DZANK1: variants seen among roughly 807,000 people sequenced by gnomAD.
The protein encoded by DZANK1 is double zinc ribbon and ankyrin repeat-containing protein 1.
In DZANK1, 91 loss-of-function variants were observed where a neutral mutation model predicts 94.5. The observed-to-expected ratio is 0.96, with a 90% CI of 0.81 to 1.15. The LOEUF (loss-of-function observed/expected upper bound fraction) is 1.15. Among genes scored for constraint, DZANK1 ranks in the 50% most tolerant of loss-of-function variants. The pLI is 0.00. For missense variants in DZANK1, 903 were observed against 916.4 expected (o/e 0.99, Z 0.19); for synonymous variants, 312 against 325.3 (o/e 0.96, Z 0.44).
chr20:18,463,123 A>G (rs2059530223), intron 2 of DZANK1, among the ~76,000 whole-genome samples: 3 of 152,220 alleles, frequency 2.0e-5, no homozygotes, highest in South Asian at 2.1e-4. Flanking sequence ...GTGCCCACCA[A>G]TGGTGAAATG....
chr20:18,410,238 T>C (rs994511532), intron 13 of DZANK1, among the ~76,000 whole-genome samples: 4 of 152,168 alleles, frequency 2.6e-5, no homozygotes, highest in South Asian at 2.1e-4. Flanking sequence ...TTATAACATA[T>C]ATGTAAACAT....
chr20:18,447,871 G>A (rs916942652), intron 7 of DZANK1, among the ~76,000 whole-genome samples: 1 of 152,028 alleles, frequency 6.6e-6, no homozygotes, highest in Non-Finnish European at 1.5e-5. Context: ...CAATCACTTT[G>A]GAAAGCAGAT....
At chr20:18,466,806 C>G (rs1211064369) in intron 1 of DZANK1, 190 bp downstream of exon 1, 1 of 152,438 alleles carries the variant, frequency 6.6e-6, no homozygotes, top group Non-Finnish European at 1.5e-5. Context: ...CCCCTCGCAG[C>G]CCGGATCCGG....
intron 17 of DZANK1, among the ~76,000 whole-genome samples, chr20:18,391,471 G>A (rs1391036289): frequency 6.6e-6 from 1 of 152,132 alleles, no homozygotes; most frequent in Non-Finnish European, 1.5e-5. Flanking sequence ...CTGACCTCAT[G>A]ATCTGCCTGC....
At chr20:18,412,568 G>C (rs1162682468) in intron 13 of DZANK1, 78 bp downstream of exon 13, 4 of 1,389,626 alleles carry the variant, frequency 2.9e-6, no homozygotes, top group Non-Finnish European at 3.0e-6. Context: ...AAATCTAAAA[G>C]GAAGAGAAAA....
intron 3 of DZANK1, 111 bp from the exon 4 acceptor site, chr20:18,455,472 T>G (rs2059255089): frequency 1.4e-6 from 1 of 728,210 alleles, no homozygotes; most frequent in Non-Finnish European, 2.3e-6. Flanking sequence ...CTAAATTTAT[T>G]GTATTTCAAA....
chr20:18,464,032 C>T lies in DZANK1; in HGVS notation c.109+1218G>A, dbSNP rs189470129. The stretch of plus-strand genomic sequence containing the variant: ...CACATATTTAAGATTTTGAAGAATA[C>T]GTATTAGCAGGATATACATTCACTG... On this transcript the variant is annotated intron_variant, in intron 2 of 20. Transcript: ENST00000262547. 3.7e-3 allele frequency among the ~76,000 whole-genome samples: 555 copies of T among 151,592 alleles called. 4 individuals are homozygous for T. The highest frequency in any genetic ancestry group is 0.025 in the Middle Eastern group (7 of 284).
intron 10 of DZANK1, among the ~76,000 whole-genome samples, chr20:18,417,162 T>C (rs1235233234): frequency 6.6e-6 from 1 of 152,206 alleles, no homozygotes; most frequent in Non-Finnish European, 1.5e-5. Context: ...GAGATAAGTA[T>C]TATCCTGTGG....
intron 6 of DZANK1, among the ~76,000 whole-genome samples, chr20:18,451,066 C>T (rs749325998): frequency 6.6e-5 from 10 of 152,210 alleles, no homozygotes; most frequent in Non-Finnish European, 1.0e-4. Flanking sequence ...CTGCCTCAGC[C>T]TCCCGAGTAG....
intron 3 of DZANK1, among the ~76,000 whole-genome samples, chr20:18,456,202 T>C (rs1016537136): frequency 6.6e-6 from 1 of 152,226 alleles, no homozygotes; most frequent in East Asian, 1.9e-4. Flanking sequence ...GTCTCAGCTG[T>C]AGACAGTGTA....
intron 9 of DZANK1, chr20:18,428,480 C>G (rs2058150440): frequency 6.6e-6 from 1 of 152,452 alleles, no homozygotes; most frequent in African/African-American, 2.4e-5. Flanking sequence ...AGCCACCGTG[C>G]CCGGCCGTAA....
At chr20:18,404,061 G>T (rs969434953) in intron 13 of DZANK1, among the ~76,000 whole-genome samples, 9 of 151,854 alleles carry the variant, frequency 5.9e-5, no homozygotes, top group Non-Finnish European at 1.3e-4. Flanking sequence ...AAATTGCTGG[G>T]ATTACAGGCG....
intron 8 of DZANK1, among the ~76,000 whole-genome samples, chr20:18,438,218 C>CAAAA (rs761846698): frequency 6.4e-4 from 37 of 57,498 alleles, no homozygotes; most frequent in Non-Finnish European, 7.7e-4. Context: ...GACTCTGTCT[C>CAAAA]AAAAAAAAAA....
At chr20:18,396,901 T>C (rs141772776) in intron 14 of DZANK1, among the ~76,000 whole-genome samples, 198 of 152,310 alleles carry the variant, frequency 1.3e-3, no homozygotes, top group East Asian at 0.011. Flanking sequence ...GGAAAAGATA[T>C]CCTGGTAGGG....
At chr20:18,424,039 CAG>C (rs1353252566) in intron 10 of DZANK1, among the ~76,000 whole-genome samples, 2 of 151,948 alleles carry the variant, frequency 1.3e-5, no homozygotes, top group African/African-American at 4.8e-5. Context: ...ACAAGCCAGA[CAG>C]AGAGAGAAGG....
intron 10 of DZANK1, among the ~76,000 whole-genome samples, chr20:18,426,541 T>A (rs1182177903): frequency 6.6e-6 from 1 of 152,202 alleles, no homozygotes. Context: ...TAATTTTAAT[T>A]TTCATCAGAA....
At chr20:18,412,574 G>C in intron 13 of DZANK1, 72 bp downstream of exon 13, 10 of 1,433,866 alleles carry the variant, frequency 7.0e-6, no homozygotes, top group Non-Finnish European at 9.7e-6. Flanking sequence ...AAAAGGAAGA[G>C]AAAATGAAAT....
chr20:18,436,909 T>C (rs1183357075), intron 8 of DZANK1, among the ~76,000 whole-genome samples: 1 of 152,156 alleles, frequency 6.6e-6, no homozygotes, highest in African/African-American at 2.4e-5. Context: ...GAGAAAATAA[T>C]TGCTAAACCA....
chr20:18,409,259 T>C (rs1872277724), intron 13 of DZANK1, among the ~76,000 whole-genome samples: 1 of 151,582 alleles, frequency 6.6e-6, no homozygotes, highest in Admixed American at 6.6e-5. Context: ...TATCAAACTG[T>C]TGAAAGAATA....
Sources: allele counts gnomAD v4.1 joint callset (sites outside exome capture counted in the v4.1 genomes callset), GRCh38; gene constraint gnomAD v4.1.1; transcripts MANE v1.5; gene names NCBI Gene and HGNC (gene_info 2026-07-23, HGNC 2026-07-21).